The following CTNNA1 variants were observed in gnomAD, a reference collection of about 807,000 sequenced individuals.
The protein encoded by CTNNA1 is catenin alpha-1.
Under a neutral mutation model 98.4 loss-of-function variants are expected in CTNNA1, and 37 were observed. The ratio of observed to expected loss-of-function variants is 0.38; its 90% CI spans 0.29 to 0.49. The LOEUF is 0.49. Among genes scored for constraint, CTNNA1 ranks in the 20% least tolerant of loss-of-function variants. The pLI is 0.95. For synonymous variants in CTNNA1, 404 were observed against 413.2 expected (o/e 0.98, Z 0.27); for missense variants, 761 against 1,147.2 (o/e 0.66, Z 4.86).
intron 1 of CTNNA1, among the ~76,000 whole-genome samples, chr5:138,781,444 CA>C (rs1755099607): frequency 5.9e-5 from 9 of 151,752 alleles, no homozygotes; most frequent in Admixed American, 5.9e-4. Flanking sequence ...TAGTCACAGC[CA>C]CTTGGGAGGC....
At chr5:138,795,005 C>T (rs1756782160) in intron 3 of CTNNA1, among the ~76,000 whole-genome samples, 2 of 151,192 alleles carry the variant, frequency 1.3e-5, no homozygotes, top group South Asian at 4.2e-4. Context: ...CAAAAATTAG[C>T]CAGATGTGGT....
chr5:138,874,794 C>A lies in CTNNA1; in HGVS notation c.1063-11418C>A. 1 of 1,090,950 alleles carries A rather than the reference C, an allele frequency of 9.2e-7. No individual in the cohort carries two copies. The highest frequency in any genetic ancestry group is 1.4e-5 in the South Asian group (1 of 69,954). The allele number at this position is 1,090,950 out of a possible 1,614,324, so 67.6% of individuals were successfully genotyped here. A position where few individuals can be genotyped will look rare whatever the true frequency, so the allele number is the denominator to read the frequency against. On this transcript the variant is annotated intron_variant, in intron 7 of 17. Transcript: ENST00000302763. This position sits in a 1 kb window ranked among gnomAD's most constrained non-coding sequence, Gnocchi z 4.1. ...TCATCGATATATGCTTTTACCTAAA[C>A]CTCAAAATCCAAAATATGATGGTGA...
rs775517584 is a variant in CTNNA1 at position 138,932,561 on chromosome 5, GC to G, written c.2299-15del. ...GCCAGGCCAGGATACTTGGTGTTAA[GC>G]CTGCTCTCTCTTCAGTGCCCCGACT... On this transcript the variant is annotated splice_polypyrimidine_tract_variant and intron_variant, in intron 16 of 17. Coordinates refer to ENST00000302763, the MANE Select transcript of CTNNA1 (RefSeq NM_001903.5). The G allele has an allele frequency of 6.2e-7, 1 of 1,613,866 alleles. No homozygotes were observed. The highest frequency in any genetic ancestry group is 1.1e-5 in the South Asian group (1 of 91,036).
At chr5:138,811,549 T>C (rs1406183205) in intron 4 of CTNNA1, among the ~76,000 whole-genome samples, 1 of 151,356 alleles carries the variant, frequency 6.6e-6, no homozygotes, top group African/African-American at 2.4e-5. Context: ...CTCGGCGCTT[T>C]GGGAGGCCAA....
intron 7 of CTNNA1, among the ~76,000 whole-genome samples, chr5:138,866,306 A>G (rs1243027609): frequency 1.3e-5 from 2 of 148,634 alleles, no homozygotes; most frequent in East Asian, 1.9e-4. Flanking sequence ...TTATTTATTT[A>G]TTTATTTATT....
At chr5:138,826,791 G>C (rs1202771029) in intron 6 of CTNNA1, among the ~76,000 whole-genome samples, 3 of 152,176 alleles carry the variant, frequency 2.0e-5, no homozygotes, top group African/African-American at 7.2e-5. Context: ...GTTTGTATGT[G>C]TGCGCACACG....
intron 3 of CTNNA1, among the ~76,000 whole-genome samples, chr5:138,809,010 G>T (rs547465049): frequency 1.3e-5 from 2 of 152,036 alleles, no homozygotes; most frequent in Admixed American, 6.6e-5. Context: ...AAAGAGACAG[G>T]GTCTTGTTCT....
chr5:138,845,278 A>G (rs550148996), intron 7 of CTNNA1, among the ~76,000 whole-genome samples: 1 of 152,340 alleles, frequency 6.6e-6, no homozygotes, highest in African/African-American at 2.4e-5. Context: ...AGGACTAATG[A>G]CTGCCAAAAG....
intron 1 of CTNNA1, among the ~76,000 whole-genome samples, chr5:138,757,453 A>T (rs1005059514): frequency 6.6e-6 from 1 of 152,300 alleles, no homozygotes; most frequent in East Asian, 1.9e-4. Context: ...TGGGCAACAC[A>T]GTGAGACCCT....
At chr5:138,899,126 A>G (rs1452180585) in intron 9 of CTNNA1, among the ~76,000 whole-genome samples, 2 of 152,124 alleles carry the variant, frequency 1.3e-5, no homozygotes, top group East Asian at 1.9e-4. Context: ...TCATTTGAGT[A>G]TTGCGTTATT....
intron 9 of CTNNA1, among the ~76,000 whole-genome samples, chr5:138,903,247 A>G (rs1250460245): frequency 1.3e-5 from 2 of 152,170 alleles, no homozygotes; most frequent in Admixed American, 1.3e-4. Flanking sequence ...CCTTAACTGT[A>G]GCACTACAAA....
At chr5:138,884,786 G>C (rs143925858) in intron 7 of CTNNA1, among the ~76,000 whole-genome samples, 196 of 152,248 alleles carry the variant, frequency 1.3e-3, no homozygotes, top group African/African-American at 4.4e-3. Context: ...GAATGCCCTG[G>C]CTGAGAAGGG....
At chr5:138,916,143 A>C (rs1319580150) in intron 10 of CTNNA1, among the ~76,000 whole-genome samples, 3 of 150,128 alleles carry the variant, frequency 2.0e-5, no homozygotes, top group African/African-American at 7.4e-5. Flanking sequence ...CAGAATAGAC[A>C]AATCCATAGA....
chr5:138,848,938 G>C (rs2149838432), intron 7 of CTNNA1, among the ~76,000 whole-genome samples: 1 of 152,238 alleles, frequency 6.6e-6, no homozygotes, highest in South Asian at 2.1e-4. Context: ...TGGTCAGACT[G>C]GTCTCGAACT....
chr5:138,875,184 G>T, intron 7 of CTNNA1: 1 of 356,930 alleles, frequency 2.8e-6, no homozygotes, highest in Non-Finnish European at 4.9e-6. Flanking sequence ...CTGCTCAGCT[G>T]GTTAATCAAA....
At chr5:138,845,903 A>AAGGG (rs1295637917) in intron 7 of CTNNA1, among the ~76,000 whole-genome samples, 1 of 152,056 alleles carries the variant, frequency 6.6e-6, no homozygotes, top group African/African-American at 2.4e-5. Flanking sequence ...ATGATAGCTA[A>AAGGG]AGGGTACAGG....
chr5:138,871,182 T>C (rs952266326), intron 7 of CTNNA1: 3 of 152,214 alleles, frequency 2.0e-5, no homozygotes, highest in African/African-American at 7.2e-5. Flanking sequence ...AAATATGCCC[T>C]GAATGAAGGA....
chr5:138,890,114 A>C (rs781057515), intron 9 of CTNNA1, among the ~76,000 whole-genome samples: 5 of 152,182 alleles, frequency 3.3e-5, no homozygotes, highest in Non-Finnish European at 7.3e-5. Context: ...TTTAAGGGCC[A>C]TTTGCCATTT....
In CTNNA1 at chr5:138,810,896, C is replaced by T. The variant is rs540147361; in HGVS notation, c.468+692C>T. Among the ~76,000 whole-genome samples the T allele has an allele frequency of 2.1e-4, 31 of 150,696 alleles. No individual in the cohort carries two copies. The South Asian group carries it at 5.9e-3, about 29-fold the overall frequency. On this transcript the variant is annotated intron_variant, in intron 4 of 17. Coordinates refer to ENST00000302763, the MANE Select transcript of CTNNA1 (RefSeq NM_001903.5). ...GCAGAGGCGCCCCTCACCTCCCGCA[C>T]GGGGCGGCTGGCCGGGCAGGGGGCT...
Sources: gnomAD v4.1 joint callset for allele counts (sites outside exome capture counted in the v4.1 genomes callset) on GRCh38, gnomAD v4.1.1 for gene constraint, Gnocchi (gnomAD v3.1) non-coding constraint, MANE v1.5 for transcripts, NCBI Gene and HGNC (gene_info 2026-07-23, HGNC 2026-07-21) for gene names.